Variants in TSHZ2 observed in about 807,000 individuals in gnomAD.
TSHZ2 encodes teashirt homolog 2.
Under a neutral mutation model 74.4 loss-of-function variants are expected in TSHZ2, and 21 were observed. That is an observed-to-expected ratio of 0.28 (90% confidence interval 0.20 to 0.41). The LOEUF is 0.41. Among genes scored for constraint, TSHZ2 ranks in the 10% least tolerant of loss-of-function variants. The pLI is 1.00. For missense variants in TSHZ2, 1,244 were observed against 1,293.5 expected (o/e 0.96, Z 0.59); for synonymous variants, 540 against 515.3 (o/e 1.05, Z -0.65).
chr20:53,015,977 A>T (rs868552558), intron 1 of TSHZ2, among the ~76,000 whole-genome samples: 1 of 152,172 alleles, frequency 6.6e-6, no homozygotes, highest in Non-Finnish European at 1.5e-5. Flanking sequence ...CGATTTAATG[A>T]TAAATAATCA....
intron 1 of TSHZ2, among the ~76,000 whole-genome samples, chr20:53,247,827 G>C (rs573438734): frequency 6.6e-6 from 1 of 152,252 alleles, no homozygotes; most frequent in African/African-American, 2.4e-5. Context: ...CAGCCTTCTT[G>C]AGTTTTAAAT....
At chr20:52,996,350 T>TATTTATTA (rs1982194391) in intron 1 of TSHZ2, among the ~76,000 whole-genome samples, 2 of 142,764 alleles carry the variant, frequency 1.4e-5, no homozygotes, top group South Asian at 4.3e-4. Context: ...TTTATTTATT[T>TATTTATTA]ATTAGGCAAA....
intron 2 of TSHZ2, among the ~76,000 whole-genome samples, chr20:53,295,424 G>A (rs1288143658): frequency 1.4e-5 from 2 of 143,628 alleles, no homozygotes; most frequent in South Asian, 2.2e-4. Flanking sequence ...ACGTGTGTGT[G>A]TGTGTGTGCA....
chr20:53,120,567 C>T (rs958684689), intron 1 of TSHZ2, among the ~76,000 whole-genome samples: 11 of 152,030 alleles, frequency 7.2e-5, no homozygotes, highest in African/African-American at 2.7e-4. Flanking sequence ...TGAAAAATTG[C>T]ATTAGTGTAT....
intron 2 of TSHZ2, among the ~76,000 whole-genome samples, chr20:53,336,124 A>G (rs1326843145): frequency 1.3e-5 from 2 of 152,214 alleles, no homozygotes; most frequent in African/African-American, 4.8e-5. Flanking sequence ...TGGAAGATTC[A>G]GTTTGTTTTA....
intron 2 of TSHZ2, among the ~76,000 whole-genome samples, chr20:53,437,718 T>C (rs1600638667): frequency 6.6e-6 from 1 of 151,608 alleles, no homozygotes; most frequent in Non-Finnish European, 1.5e-5. Context: ...CAGTGGGAGG[T>C]GTTTGGGTTA....
intron 2 of TSHZ2, among the ~76,000 whole-genome samples, chr20:53,482,614 A>T (rs1986184645): frequency 6.6e-6 from 1 of 152,172 alleles, no homozygotes; most frequent in Non-Finnish European, 1.5e-5. Flanking sequence ...ACAAAAATTA[A>T]AAATAGGGCT....
intron 1 of TSHZ2, among the ~76,000 whole-genome samples, chr20:53,161,130 CAAAA>C (rs368626161): frequency 0.011 from 743 of 67,968 alleles, 10 homozygotes; most frequent in African/African-American, 0.042. Context: ...TTATTTTCAG[CAAAA>C]AAAAAAAAAA....
chr20:53,187,472 G>C (rs958479102), intron 1 of TSHZ2, among the ~76,000 whole-genome samples: 1 of 152,204 alleles, frequency 6.6e-6, no homozygotes, highest in African/African-American at 2.4e-5. Flanking sequence ...GCAGTGAGCA[G>C]TTGGCTTGCT....
intron 2 of TSHZ2, among the ~76,000 whole-genome samples, chr20:53,485,738 C>A (rs1986274663): frequency 6.6e-6 from 1 of 151,392 alleles, no homozygotes; most frequent in South Asian, 2.1e-4. Flanking sequence ...AAAGAAAAGA[C>A]TAGAAGGAAA....
intron 2 of TSHZ2, among the ~76,000 whole-genome samples, chr20:53,286,286 G>A (rs1301748885): frequency 2.6e-5 from 4 of 152,220 alleles, no homozygotes; most frequent in Non-Finnish European, 4.4e-5. Flanking sequence ...ATTCTGTCAT[G>A]AGGCTTTGTG....
At chr20:53,205,612 G>T (rs6097299) in intron 1 of TSHZ2, among the ~76,000 whole-genome samples, 1 of 152,124 alleles carries the variant, frequency 6.6e-6, no homozygotes, top group African/African-American at 2.4e-5. Flanking sequence ...TTTACCTACA[G>T]GTTTTTCCTA....
chr20:53,063,530 C>T (rs1984884183), intron 1 of TSHZ2, among the ~76,000 whole-genome samples: 1 of 152,118 alleles, frequency 6.6e-6, no homozygotes, highest in African/African-American at 2.4e-5. Context: ...ACACTCATCC[C>T]CTGCAGAAGA....
At chr20:53,268,070 C>T (rs1990755077) in intron 2 of TSHZ2, among the ~76,000 whole-genome samples, 1 of 152,100 alleles carries the variant, frequency 6.6e-6, no homozygotes, top group Non-Finnish European at 1.5e-5. Flanking sequence ...GGCTTGGCCA[C>T]TTGGGGATGG....
At chr20:53,143,633 A>G (rs1231554322) in intron 1 of TSHZ2, among the ~76,000 whole-genome samples, 3 of 152,180 alleles carry the variant, frequency 2.0e-5, no homozygotes, top group Non-Finnish European at 2.9e-5. Flanking sequence ...AAGAGCTTGC[A>G]GTGAGCCAAG....
chr20:53,270,101 G>A (rs1038324733), intron 2 of TSHZ2, among the ~76,000 whole-genome samples: 1 of 152,130 alleles, frequency 6.6e-6, no homozygotes, highest in East Asian at 1.9e-4. Context: ...GTATGGTGGA[G>A]ATGCCTTTGG....
intron 1 of TSHZ2, among the ~76,000 whole-genome samples, chr20:53,226,119 AACAC>A (rs11470731): frequency 0.043 from 6,369 of 147,520 alleles, 139 homozygotes; most frequent in East Asian, 0.093. Context: ...GACTAAATTT[AACAC>A]ACACACACAC....
chr20:53,422,541 C>A (rs564703676), intron 2 of TSHZ2, among the ~76,000 whole-genome samples: 1 of 152,164 alleles, frequency 6.6e-6, no homozygotes, highest in Admixed American at 6.5e-5. Flanking sequence ...AACCACCCCC[C>A]TCAGATGCAA....
chr20:53,229,209 A>G (rs1246663938), intron 1 of TSHZ2, among the ~76,000 whole-genome samples: 2 of 150,990 alleles, frequency 1.3e-5, no homozygotes, highest in East Asian at 3.9e-4. Flanking sequence ...TGAGCCCCAA[A>G]GTGACTTCCA....
Sources: allele counts gnomAD v4.1 joint callset (sites outside exome capture counted in the v4.1 genomes callset), GRCh38; gene constraint gnomAD v4.1.1; transcripts MANE v1.5; gene names NCBI Gene and HGNC (gene_info 2026-07-23, HGNC 2026-07-21).